Variants in ADCY9 observed in about 807,000 individuals in gnomAD.
The protein encoded by ADCY9 is adenylate cyclase type 9.
In ADCY9, 50 loss-of-function variants were observed where a neutral mutation model predicts 101.5. The observed-to-expected ratio is 0.49, with a 90% CI of 0.39 to 0.62. ADCY9 has a LOEUF of 0.62. ADCY9 is among the 20% of genes least tolerant of loss of function. The probability of loss-of-function intolerance (pLI) is 0.00; values close to 1 mark genes in which losing one functional copy is unlikely to be tolerated. For missense variants in ADCY9, 1,662 were observed against 1,800.4 expected (o/e 0.92, Z 1.39); for synonymous variants, 905 against 769.3 (o/e 1.18, Z -2.92).
At chr16:4,037,461 T>C (rs1015952063) in intron 2 of ADCY9, among the ~76,000 whole-genome samples, 27 of 152,216 alleles carry the variant, frequency 1.8e-4, no homozygotes, top group African/African-American at 6.5e-4. Flanking sequence ...TACCCATCCA[T>C]TCGATGATGG....
chr16:3,987,698 C>T (rs2056205377), intron 6 of ADCY9, among the ~76,000 whole-genome samples: 1 of 152,210 alleles, frequency 6.6e-6, no homozygotes, highest in African/African-American at 2.4e-5. Flanking sequence ...CATGAACTGG[C>T]TCTACTGGGC....
At chr16:3,975,598 G>A (rs992086982) in intron 9 of ADCY9, among the ~76,000 whole-genome samples, 3 of 152,152 alleles carry the variant, frequency 2.0e-5, no homozygotes, top group Non-Finnish European at 4.4e-5. Flanking sequence ...GGGGCATTTC[G>A]GAAATGCCAG....
intron 2 of ADCY9, among the ~76,000 whole-genome samples, chr16:4,028,559 G>A (rs2056533024): frequency 6.6e-6 from 1 of 152,180 alleles, no homozygotes; most frequent in Admixed American, 6.5e-5. Flanking sequence ...CAAATCTATA[G>A]ACACAGAAAG....
In ADCY9 at chr16:4,034,691, T is replaced by C. The variant is rs932618303; in HGVS notation, c.1694-27133A>G. ...ACCTCAGCCTCCCAAAGCGCTGGGATTACAGGCATGAGCCACTGCACCTGG... is the reference window on the plus strand; with the variant it reads ...ACCTCAGCCTCCCAAAGCGCTGGGACTACAGGCATGAGCCACTGCACCTGG... On this transcript the variant is annotated intron_variant, in intron 2 of 10. Transcript: ENST00000294016. 8.5e-5 allele frequency among the ~76,000 whole-genome samples: 13 copies of C among 152,308 alleles called. No individual in the cohort carries two copies. In the East Asian group the frequency reaches 2.5e-3, roughly 29 times the overall value.
chr16:4,018,623 T>C (rs1174677375), intron 2 of ADCY9, among the ~76,000 whole-genome samples: 1 of 152,212 alleles, frequency 6.6e-6, no homozygotes, highest in Non-Finnish European at 1.5e-5. Flanking sequence ...TCCCAGATCG[T>C]ATCTGCAGCA....
chr16:4,027,024 A>C (rs1239905106), intron 2 of ADCY9, among the ~76,000 whole-genome samples: 1 of 152,190 alleles, frequency 6.6e-6, no homozygotes, highest in African/African-American at 2.4e-5. Flanking sequence ...CCAGGTCTTC[A>C]GGTGTAACGT....
At chr16:3,998,512 C>T (rs1053036722) in intron 3 of ADCY9, among the ~76,000 whole-genome samples, 9 of 151,520 alleles carry the variant, frequency 5.9e-5, no homozygotes, top group Non-Finnish European at 1.2e-4. Context: ...AGATTGAGAC[C>T]ATCCTGGCCA....
In ADCY9 at chr16:4,115,661, G is replaced by A; in HGVS notation, c.-44+29C>T. The A allele has an allele frequency of 1.7e-6, 1 of 595,546 alleles. No homozygotes were observed. Among genetic ancestry groups the A allele is most frequent in the Non-Finnish European group, 2.8e-6 (1 of 351,860 alleles). The allele number at this position is 595,546 out of a possible 1,614,324, so 36.9% of individuals were successfully genotyped here. ...CACCGCCCCCACCGCCCCCACCTTC[G>A]AGGCGCACGAGAACCGCTCGGGACG... On this transcript the variant is annotated intron_variant, in intron 1 of 10. Coordinates refer to ENST00000294016, the MANE Select transcript of ADCY9 (RefSeq NM_001116.4). This position sits in a 1 kb window ranked among gnomAD's most constrained non-coding sequence, Gnocchi z 6.2.
chr16:4,104,135 G>A (rs1597229402), intron 2 of ADCY9, among the ~76,000 whole-genome samples: 1 of 152,298 alleles, frequency 6.6e-6, no homozygotes, highest in East Asian at 1.9e-4. Context: ...ATATGAATGA[G>A]TCTGTCGCTT....
At chr16:4,071,635 C>G (rs188160443) in intron 2 of ADCY9, among the ~76,000 whole-genome samples, 3 of 152,114 alleles carry the variant, frequency 2.0e-5, no homozygotes, top group Non-Finnish European at 4.4e-5. Flanking sequence ...CTAGCCTTAA[C>G]CATTGTTTGT....
At chr16:4,028,272 G>C (rs151012300) in intron 2 of ADCY9, among the ~76,000 whole-genome samples, 1 of 152,098 alleles carries the variant, frequency 6.6e-6, no homozygotes, top group Non-Finnish European at 1.5e-5. Context: ...CTCTACTCAC[G>C]AGAAATGGAA....
chr16:4,009,292 GA>G (rs1312809477), intron 2 of ADCY9, among the ~76,000 whole-genome samples: 4 of 152,332 alleles, frequency 2.6e-5, no homozygotes, highest in South Asian at 2.1e-4. Context: ...TTCCTTTAGA[GA>G]TAGGGTCTTG....
At chr16:4,081,084 A>G (rs1429465308) in intron 2 of ADCY9, among the ~76,000 whole-genome samples, 2 of 152,174 alleles carry the variant, frequency 1.3e-5, no homozygotes, top group East Asian at 3.8e-4. Context: ...TCTGTGCTTT[A>G]TGAGAAAGGA....
At chr16:3,979,859 T>G (rs1206755276) in intron 7 of ADCY9, among the ~76,000 whole-genome samples, 2 of 152,258 alleles carry the variant, frequency 1.3e-5, no homozygotes, top group Non-Finnish European at 2.9e-5. Context: ...GACAGCATCT[T>G]AGCCCAGAGG....
intron 6 of ADCY9, chr16:3,984,191 T>G (rs551203980): frequency 6.6e-6 from 1 of 152,352 alleles, no homozygotes; most frequent in African/African-American, 2.4e-5. Context: ...CTGGCGCAGG[T>G]GAGGTCCCTG....
At chr16:4,068,271 T>C (rs1022096391) in intron 2 of ADCY9, among the ~76,000 whole-genome samples, 1 of 151,926 alleles carries the variant, frequency 6.6e-6, no homozygotes, top group Non-Finnish European at 1.5e-5. Flanking sequence ...GGAAAACTCA[T>C]ATAATGGCTT....
chr16:3,984,902 T>C (rs900558174), intron 6 of ADCY9, among the ~76,000 whole-genome samples: 1 of 152,080 alleles, frequency 6.6e-6, no homozygotes, highest in Non-Finnish European at 1.5e-5. Context: ...CCTCGACCAC[T>C]CCCAGGAACT....
chr16:4,005,977 G>A (rs888965554), intron 3 of ADCY9, among the ~76,000 whole-genome samples: 14 of 152,078 alleles, frequency 9.2e-5, no homozygotes, highest in African/African-American at 3.4e-4. Context: ...CCTGCACAAC[G>A]TCAGCCCAGG....
At chr16:3,955,872 TA>T (rs35919408) in intron 5 of ADCY9, among the ~76,000 whole-genome samples, 58,287 of 150,624 alleles carry the variant, frequency 0.39, 11,764 homozygotes, top group African/African-American at 0.5. Context: ...TTTTAAAGCT[TA>T]AAAAAAATGT....
Sources: allele counts gnomAD v4.1 joint callset (sites outside exome capture counted in the v4.1 genomes callset), GRCh38; gene constraint gnomAD v4.1.1; non-coding constraint Gnocchi (gnomAD v3.1); transcripts MANE v1.5; gene names NCBI Gene and HGNC (gene_info 2026-07-23, HGNC 2026-07-21).